DYNC1I1: variants seen among roughly 807,000 people sequenced by gnomAD.
DYNC1I1 encodes the protein cytoplasmic dynein 1 intermediate chain 1.
In DYNC1I1, 43 loss-of-function variants were observed where a neutral mutation model predicts 86.6. The observed-to-expected ratio is 0.50, with a 90% CI of 0.39 to 0.64. The LOEUF (loss-of-function observed/expected upper bound fraction) is 0.64, where lower values mean the gene tolerates loss of function less well. Among genes scored for constraint, DYNC1I1 ranks in the 30% least tolerant of loss-of-function variants. The pLI is 0.00. For missense variants in DYNC1I1, 604 were observed against 788.8 expected (o/e 0.77, Z 2.81); for synonymous variants, 262 against 283.7 (o/e 0.92, Z 0.77).
chr7:95,788,026 T>C (rs1165141744), intron 1 of DYNC1I1, among the ~76,000 whole-genome samples: 2 of 152,092 alleles, frequency 1.3e-5, no homozygotes, highest in Non-Finnish European at 2.9e-5. Context: ...TGTCTGGGGA[T>C]GAGATCAGGA....
chr7:95,889,487 A>T (rs1790680964), intron 6 of DYNC1I1, among the ~76,000 whole-genome samples: 1 of 152,226 alleles, frequency 6.6e-6, no homozygotes, highest in Non-Finnish European at 1.5e-5. Flanking sequence ...TTACAAAACT[A>T]TAAAAGCCCT....
At chr7:96,101,412 T>C (rs1378174627), downstream of DYNC1I1, among the ~76,000 whole-genome samples, 1 of 152,080 alleles carries the variant, frequency 6.6e-6, no homozygotes, top group Non-Finnish European at 1.5e-5. Flanking sequence ...AGGAGGTTGC[T>C]AGGAGGGAGG....
At chr7:95,786,432 C>T (rs1273639185) in intron 1 of DYNC1I1, among the ~76,000 whole-genome samples, 1 of 152,140 alleles carries the variant, frequency 6.6e-6, no homozygotes, top group Non-Finnish European at 1.5e-5. Context: ...TGCATGTATC[C>T]CATTTCACCT....
chr7:96,010,056 A>G (rs1180512078), intron 10 of DYNC1I1, among the ~76,000 whole-genome samples: 1 of 152,118 alleles, frequency 6.6e-6, no homozygotes, highest in African/African-American at 2.4e-5. Context: ...CATTTTATTC[A>G]GAACAATTCA....
chr7:95,856,053 C>G (rs954952700), intron 5 of DYNC1I1, among the ~76,000 whole-genome samples: 4 of 152,152 alleles, frequency 2.6e-5, no homozygotes, highest in African/African-American at 9.7e-5. Context: ...AGCTTGTTGA[C>G]TCTTTTGTGA....
intron 6 of DYNC1I1, among the ~76,000 whole-genome samples, chr7:95,889,070 T>C (rs905040861): frequency 2.6e-5 from 4 of 152,098 alleles, no homozygotes; most frequent in African/African-American, 7.2e-5. Context: ...ATGGGAGATA[T>C]TACCTAGTGA....
At chr7:96,056,541 C>T (rs1789582255) in intron 14 of DYNC1I1, among the ~76,000 whole-genome samples, 1 of 152,090 alleles carries the variant, frequency 6.6e-6, no homozygotes, top group Non-Finnish European at 1.5e-5. Flanking sequence ...GCTCATTCTT[C>T]CTACATAATC....
chr7:95,948,119 C>T (rs1194702603), intron 6 of DYNC1I1, among the ~76,000 whole-genome samples: 1 of 151,636 alleles, frequency 6.6e-6, no homozygotes, highest in Admixed American at 6.6e-5. Context: ...GAAGCAGGAA[C>T]CAGCCATCAC....
At chr7:95,973,680 CA>C (rs1051200652) in intron 6 of DYNC1I1, among the ~76,000 whole-genome samples, 1 of 152,144 alleles carries the variant, frequency 6.6e-6, no homozygotes, top group Non-Finnish European at 1.5e-5. Context: ...AAGCCCTTCA[CA>C]GAATAATATT....
intron 5 of DYNC1I1, among the ~76,000 whole-genome samples, chr7:95,830,368 T>G (rs1297691875): frequency 1.3e-5 from 2 of 152,154 alleles, no homozygotes; most frequent in East Asian, 1.9e-4. Context: ...CACTCTTGCT[T>G]CTTCCTGTTC....
chr7:95,790,723 G>T (rs1186773360), intron 1 of DYNC1I1, among the ~76,000 whole-genome samples: 1 of 152,228 alleles, frequency 6.6e-6, no homozygotes, highest in African/African-American at 2.4e-5. Flanking sequence ...GGCCAACAGA[G>T]TGGGGCAAGA....
chr7:96,029,889 C>A, intron 11 of DYNC1I1, among the ~76,000 whole-genome samples: 1 of 148,096 alleles, frequency 6.8e-6, no homozygotes, highest in African/African-American at 2.5e-5. Context: ...GCAGCCTGGG[C>A]AACAGAGGGA....
intron 1 of DYNC1I1, among the ~76,000 whole-genome samples, chr7:95,791,062 T>C (rs531499625): frequency 1.3e-5 from 2 of 152,334 alleles, no homozygotes; most frequent in East Asian, 3.9e-4. Flanking sequence ...AATAAATTGA[T>C]TTTTTGTGAG....
At chr7:95,910,285 C>T (rs1476166923) in intron 6 of DYNC1I1, among the ~76,000 whole-genome samples, 2 of 152,162 alleles carry the variant, frequency 1.3e-5, no homozygotes, top group Non-Finnish European at 2.9e-5. Context: ...GCCATTATTA[C>T]ATCACACCTG....
At chr7:95,924,715 A>G (rs1464217892) in intron 6 of DYNC1I1, among the ~76,000 whole-genome samples, 1 of 152,178 alleles carries the variant, frequency 6.6e-6, no homozygotes, top group Non-Finnish European at 1.5e-5. Context: ...CTGTTTATCC[A>G]AAAACAAAGA....
At chr7:96,035,972 G>C (rs1426975898) in intron 13 of DYNC1I1, among the ~76,000 whole-genome samples, 1 of 152,138 alleles carries the variant, frequency 6.6e-6, no homozygotes, top group African/African-American at 2.4e-5. Context: ...AAAAGCTCGA[G>C]CTTCTGAGCC....
chr7:95,906,685 T>C (rs1271073243), intron 6 of DYNC1I1, among the ~76,000 whole-genome samples: 2 of 152,034 alleles, frequency 1.3e-5, no homozygotes, highest in Middle Eastern at 3.2e-3. Flanking sequence ...TTTACTGGGG[T>C]GGGAGAATTT....
chr7:95,807,501 T>C (rs186207578), intron 2 of DYNC1I1, among the ~76,000 whole-genome samples: 43 of 152,264 alleles, frequency 2.8e-4, no homozygotes, highest in Admixed American at 1.4e-3. Context: ...AGCAGGACTC[T>C]CTTTTTGCCT....
intron 10 of DYNC1I1, among the ~76,000 whole-genome samples, chr7:95,999,924 A>G (rs895469513): frequency 6.6e-6 from 1 of 152,220 alleles, no homozygotes; most frequent in Non-Finnish European, 1.5e-5. Context: ...ATCCAAATCT[A>G]CAAAACGGCT....
Sources: allele counts gnomAD v4.1 joint callset (sites outside exome capture counted in the v4.1 genomes callset), GRCh38; gene constraint gnomAD v4.1.1; transcripts MANE v1.5; gene names NCBI Gene and HGNC (gene_info 2026-07-23, HGNC 2026-07-21).